EPB41L4A: variants seen among roughly 807,000 people sequenced by gnomAD.
The protein encoded by EPB41L4A is band 4.1-like protein 4A.
EPB41L4A carries 100 observed loss-of-function variants against 108.6 expected under a neutral mutation model. The ratio of observed to expected loss-of-function variants is 0.92; its 90% CI spans 0.78 to 1.09. The LOEUF (loss-of-function observed/expected upper bound fraction) is 1.09, where lower values mean the gene tolerates loss of function less well. Among genes scored for constraint, EPB41L4A ranks in the 50% least tolerant of loss-of-function variants. The pLI is 0.00. For missense variants in EPB41L4A, 1,030 were observed against 842.7 expected (o/e 1.22, Z -2.75); for synonymous variants, 319 against 289.0 (o/e 1.10, Z -1.05).
intron 6 of EPB41L4A, chr5:112,264,287 G>A (rs139347072): frequency 3.3e-5 from 5 of 152,242 alleles, no homozygotes; most frequent in Admixed American, 2.0e-4. Flanking sequence ...CTAGGGGAGC[G>A]TGTCTACTCT....
At chr5:112,233,798 T>C (rs1213184101) in intron 12 of EPB41L4A, among the ~76,000 whole-genome samples, 1 of 152,096 alleles carries the variant, frequency 6.6e-6, no homozygotes, top group Non-Finnish European at 1.5e-5. Flanking sequence ...AATTAAGAAA[T>C]TACTCAGTTT....
intron 1 of EPB41L4A, among the ~76,000 whole-genome samples, chr5:112,381,290 C>G (rs1180110651): frequency 2.6e-5 from 4 of 152,154 alleles, no homozygotes; most frequent in Non-Finnish European, 4.4e-5. Context: ...ATAGATCACT[C>G]TGTAAATAAT....
chr5:112,156,485 C>G (rs1422466905), intron 12 of EPB41L4A, among the ~76,000 whole-genome samples: 1 of 138,094 alleles, frequency 7.2e-6, no homozygotes, highest in Non-Finnish European at 1.5e-5. Flanking sequence ...CAAGCGAATC[C>G]TTTCTTTATC....
intron 4 of EPB41L4A, among the ~76,000 whole-genome samples, chr5:112,270,464 T>C (rs1752179830): frequency 6.6e-6 from 1 of 152,304 alleles, no homozygotes; most frequent in Non-Finnish European, 1.5e-5. Context: ...CATAACATGA[T>C]ATTAAATAAT....
At chr5:112,345,901 A>G (rs1419341057) in intron 1 of EPB41L4A, among the ~76,000 whole-genome samples, 4 of 152,056 alleles carry the variant, frequency 2.6e-5, no homozygotes, top group African/African-American at 9.7e-5. Flanking sequence ...TTTCCAATAT[A>G]AACACCTATG....
intron 1 of EPB41L4A, among the ~76,000 whole-genome samples, chr5:112,318,772 G>A (rs1344816513): frequency 6.6e-6 from 1 of 152,178 alleles, no homozygotes; most frequent in African/African-American, 2.4e-5. Context: ...CAGAAATATG[G>A]ACTCTCACAA....
chr5:112,324,191 G>A (rs1755992943), intron 1 of EPB41L4A, among the ~76,000 whole-genome samples: 1 of 152,170 alleles, frequency 6.6e-6, no homozygotes, highest in African/African-American at 2.4e-5. Context: ...CATACAGGAA[G>A]AGAAAACTTA....
chr5:112,201,764 T>C (rs1250688021), intron 15 of EPB41L4A, among the ~76,000 whole-genome samples: 1 of 152,196 alleles, frequency 6.6e-6, no homozygotes, highest in African/African-American at 2.4e-5. Context: ...ACTCTTGGTG[T>C]TCCCAAGGAG....
intron 1 of EPB41L4A, among the ~76,000 whole-genome samples, chr5:112,375,884 G>C (rs965604051): frequency 6.6e-6 from 1 of 152,220 alleles, no homozygotes; most frequent in Non-Finnish European, 1.5e-5. Flanking sequence ...AGAATCCTTA[G>C]AGAGGAGCAA....
Position 112,387,865 on chromosome 5 carries a change from A to G in EPB41L4A, c.99+31076T>C, listed in dbSNP as rs1014235228. 3.9e-5 allele frequency among the ~76,000 whole-genome samples: 6 copies of G among 152,236 alleles called. No individual in the cohort carries two copies. In the East Asian group the frequency reaches 1.2e-3, roughly 29 times the overall value. On this transcript the variant is annotated intron_variant, in intron 1 of 22. Transcript: ENST00000261486. ...CATATTAAAGAGAAAAAAGCCTTAC[A>G]TTTATGCAGAAGTCATAACATACAC...
intron 1 of EPB41L4A, among the ~76,000 whole-genome samples, chr5:112,361,993 ATAAGC>A (rs776381355): frequency 2.0e-5 from 3 of 152,226 alleles, no homozygotes; most frequent in Non-Finnish European, 4.4e-5. Context: ...AGCCATTGAT[ATAAGC>A]TATTTTAAAT....
intron 4 of EPB41L4A, among the ~76,000 whole-genome samples, chr5:112,268,261 C>T (rs111371679): frequency 0.01 from 1,527 of 152,200 alleles, 5 homozygotes; most frequent in Non-Finnish European, 0.015. Context: ...GCCGGTAGTC[C>T]CAGCTACTTG....
At chr5:112,419,534 C>A (rs567441659), upstream of EPB41L4A, 953 of 421,358 alleles carry the variant, frequency 2.3e-3, 11 homozygotes, top group South Asian at 0.016. Context: ...CCTGCGGAGT[C>A]CCCCGCGGGC....
At chr5:112,346,707 G>C (rs532681023) in intron 1 of EPB41L4A, among the ~76,000 whole-genome samples, 1 of 152,138 alleles carries the variant, frequency 6.6e-6, no homozygotes, top group Non-Finnish European at 1.5e-5. Context: ...AAATGTACAA[G>C]ACTATCAACC....
At chr5:112,258,006 A>G (rs977332104) in intron 9 of EPB41L4A, among the ~76,000 whole-genome samples, 1 of 152,250 alleles carries the variant, frequency 6.6e-6, no homozygotes, top group Non-Finnish European at 1.5e-5. Context: ...ATTTCCTCCA[A>G]ACTAAACCAT....
intron 1 of EPB41L4A, among the ~76,000 whole-genome samples, chr5:112,398,381 GGTT>G (rs989852324): frequency 6.6e-6 from 1 of 151,904 alleles, no homozygotes; most frequent in African/African-American, 2.4e-5. Flanking sequence ...TAGAATGTGG[GGTT>G]TTTTTTGTTT....
At position 112,211,587 on chromosome 5, in the gene EPB41L4A, CA is replaced by C. The variant is rs1244464078; in HGVS notation, c.1088-1606del. ...CTGGCTACAGAGCGAGACTCCGTCT[CA>C]AAAAAAAAAAAAAAACCCACACAGC... On this transcript the variant is annotated intron_variant, in intron 12 of 22. Transcript: ENST00000261486. Among the ~76,000 whole-genome samples, 515 of 74,932 alleles carry C rather than the reference CA, an allele frequency of 6.9e-3. 1 individual carries two copies. The highest frequency in any genetic ancestry group is 0.019 in the South Asian group (41 of 2,144). The allele number at this position is 74,932 out of a possible 152,430, so 49.2% of individuals were successfully genotyped here.
chr5:112,163,778 G>A lies in EPB41L4A; in HGVS notation c.*1212C>T, dbSNP rs1473763195. On this transcript the variant is annotated 3_prime_UTR_variant, in exon 23 of 23. Transcript: ENST00000261486. ...GTTTGTGGTTGTGAAAGATAGTTTTGTTTAATCTTAGTCTTAAATTTAAAA... is the reference window on the plus strand; with the variant it reads ...GTTTGTGGTTGTGAAAGATAGTTTTATTTAATCTTAGTCTTAAATTTAAAA... The A allele has an allele frequency of 6.6e-6, 1 of 152,126 alleles. No homozygotes were observed. The highest frequency in any genetic ancestry group is 1.5e-5 in the Non-Finnish European group (1 of 68,042). 9.4% of individuals were successfully genotyped at this position (152,126 alleles called of 1,614,324 possible).
chr5:112,247,779 C>T (rs1750358075), intron 9 of EPB41L4A, among the ~76,000 whole-genome samples: 1 of 152,104 alleles, frequency 6.6e-6, no homozygotes, highest in African/African-American at 2.4e-5. Flanking sequence ...TAAAATAAAA[C>T]ATAGTCTTCT....
Sources: allele counts gnomAD v4.1 joint callset (sites outside exome capture counted in the v4.1 genomes callset), GRCh38; gene constraint gnomAD v4.1.1; transcripts MANE v1.5; gene names NCBI Gene and HGNC (gene_info 2026-07-23, HGNC 2026-07-21).